EXOSC7: variants seen among roughly 807,000 people sequenced by gnomAD.
EXOSC7 encodes the protein exosome component 7, also known as exosome complex component RRP42.
In EXOSC7, 25 loss-of-function variants were observed where a neutral mutation model predicts 34.3. That is an observed-to-expected ratio of 0.73 (90% CI 0.53 to 1.02). EXOSC7 has a LOEUF of 1.02. Among genes scored for constraint, EXOSC7 ranks in the 50% least tolerant of loss-of-function variants. The pLI, the probability that EXOSC7 is intolerant of heterozygous loss-of-function variation, is 0.00. For missense variants in EXOSC7, 370 were observed against 368.5 expected (o/e 1.00, Z -0.03); for synonymous variants, 130 against 143.0 (o/e 0.91, Z 0.65).
intron 4 of EXOSC7, among the ~76,000 whole-genome samples, chr3:44,999,649 A>G (rs534146788): frequency 6.6e-6 from 1 of 152,308 alleles, no homozygotes; most frequent in South Asian, 2.1e-4. Flanking sequence ...AGATGGTGCC[A>G]CTGCACTCCA....
chr3:44,979,855 G>A (rs1006285200), intron 1 of EXOSC7, among the ~76,000 whole-genome samples: 1 of 152,192 alleles, frequency 6.6e-6, no homozygotes, highest in African/African-American at 2.4e-5. Context: ...TTTGTGAGAA[G>A]GGAGGGTGGA....
chr3:44,992,101 T>C (rs948615620), intron 3 of EXOSC7, among the ~76,000 whole-genome samples: 2 of 152,144 alleles, frequency 1.3e-5, no homozygotes, highest in Non-Finnish European at 2.9e-5. Flanking sequence ...TCTGAATCAG[T>C]GAATAGGAAT....
At chr3:44,998,405 T>G (rs1458602485) in intron 4 of EXOSC7, among the ~76,000 whole-genome samples, 2 of 152,198 alleles carry the variant, frequency 1.3e-5, no homozygotes, top group Non-Finnish European at 2.9e-5. Context: ...ACGTAGCAGT[T>G]GGTTGCTTGT....
chr3:44,989,375 A>G, intron 2 of EXOSC7, 134 bp downstream of exon 2: 1 of 825,538 alleles, frequency 1.2e-6, no homozygotes. Context: ...AAACTCAGGG[A>G]GGGGGGGTCT....
chr3:44,987,000 A>G (rs1021253551), intron 1 of EXOSC7, among the ~76,000 whole-genome samples: 2 of 152,090 alleles, frequency 1.3e-5, no homozygotes, highest in South Asian at 2.1e-4. Flanking sequence ...CTTTTTCTGA[A>G]AAAAACTGCT....
chr3:45,006,251 T>C (rs1707036536), intron 6 of EXOSC7, among the ~76,000 whole-genome samples: 1 of 151,098 alleles, frequency 6.6e-6, no homozygotes, highest in Non-Finnish European at 1.5e-5. Context: ...CTAATTTTTG[T>C]ATTTTTAGTA....
chr3:45,009,542 C>A (rs1707148443), intron 7 of EXOSC7, among the ~76,000 whole-genome samples: 1 of 151,472 alleles, frequency 6.6e-6, no homozygotes, highest in Non-Finnish European at 1.5e-5. Flanking sequence ...ATGGGAAAAT[C>A]TTTCCAAAGG....
chr3:44,999,274 G>A (rs1706810677), intron 4 of EXOSC7, among the ~76,000 whole-genome samples: 1 of 152,196 alleles, frequency 6.6e-6, no homozygotes, highest in East Asian at 1.9e-4. Flanking sequence ...AGGGGAATGT[G>A]TATTGTGTCC....
intron 1 of EXOSC7, among the ~76,000 whole-genome samples, chr3:44,977,882 A>T (rs1706149174): frequency 6.6e-6 from 1 of 152,134 alleles, no homozygotes; most frequent in Non-Finnish European, 1.5e-5. Context: ...TATATCTGTA[A>T]CCTCAAGGTT....
chr3:44,976,317 A>G lies in EXOSC7; in HGVS notation c.40A>G (p.Ile14Val), dbSNP rs778897360. Residue 14 changes from isoleucine to valine, a missense_variant, in exon 1 of 8, where the codon ATC (isoleucine) becomes GTC (valine). Transcript: ENST00000265564. ...GCTGAGCGAGGCGGAGAAGGTGTAC[A>G]TCGTGCATGGCGTCCAGGTAGCTAC... ...VTLSEAEKVY[I>V]VHGVQEDLRV... 16 of 1,570,422 alleles carry G rather than the reference A, an allele frequency of 1.0e-5. No individual in the cohort carries two copies. In the Middle Eastern group the frequency reaches 5.0e-4, roughly 49 times the overall value.
chr3:45,006,465 G>A (rs534447751), intron 6 of EXOSC7, among the ~76,000 whole-genome samples: 189 of 138,548 alleles, frequency 1.4e-3, no homozygotes, highest in Non-Finnish European at 2.2e-3. Flanking sequence ...GCCGGACTGC[G>A]GACTGCAGTG....
intron 6 of EXOSC7, among the ~76,000 whole-genome samples, chr3:45,006,889 AT>A (rs924966439): frequency 3.5e-5 from 5 of 144,782 alleles, no homozygotes; most frequent in African/African-American, 1.3e-4. Flanking sequence ...ATATCTGGCT[AT>A]TTTTTTGTAT....
In EXOSC7 at chr3:44,989,620, G is replaced by C; in HGVS notation, c.230G>C (p.Gly77Ala). 6.2e-7 allele frequency: 1 copy of C among 1,613,662 alleles called. No individual in the cohort carries two copies. Among genetic ancestry groups the C allele is most frequent in the South Asian group, 1.1e-5 (1 of 91,042 alleles). Reference sequence around the variant, plus strand: ...CCGAAGCTGGAGAAACCAAATGAAGGCTACTTGGAGTTCTTTGTTGACTGG... The same window carrying C: ...CCGAAGCTGGAGAAACCAAATGAAGCCTACTTGGAGTTCTTTGTTGACTGG... ...GTPKLEKPNE[G>A]YLEFFVDCSA... The change falls in exon 3 of 8, where the codon GGC becomes GCC. Residue 77 changes from glycine (G) to alanine (A), a missense_variant. Gly to Ala is a moderately conservative substitution (Grantham distance 60). This residue lies in a region of EXOSC7 where 20 missense variants were observed against 42.2 expected (regional missense o/e 0.47). Coordinates refer to ENST00000265564, the MANE Select transcript of EXOSC7 (RefSeq NM_015004.4).
At chr3:44,982,915 G>A (rs568119266) in intron 1 of EXOSC7, among the ~76,000 whole-genome samples, 6 of 152,320 alleles carry the variant, frequency 3.9e-5, no homozygotes, top group Non-Finnish European at 7.3e-5. Context: ...TGATGGGCCC[G>A]AGCCTGCAAA....
chr3:45,001,790 A>G (rs1351026983), intron 5 of EXOSC7, 182 bp downstream of exon 5: 5 of 562,076 alleles, frequency 8.9e-6, no homozygotes, highest in Admixed American at 6.5e-5. Flanking sequence ...TTAAAACTAC[A>G]TATATACGTA....
chr3:45,012,095 G>A (rs1697300820), downstream of EXOSC7: 1 of 152,190 alleles, frequency 6.6e-6, no homozygotes, highest in African/African-American at 2.4e-5. Flanking sequence ...GGCCCAGAAG[G>A]CTCTTCCTAT....
At chr3:44,991,019 A>G (rs989082017) in intron 3 of EXOSC7, among the ~76,000 whole-genome samples, 18 of 152,144 alleles carry the variant, frequency 1.2e-4, no homozygotes, top group Non-Finnish European at 1.5e-4. Flanking sequence ...TAGTACTCGT[A>G]TAAGAGAAAT....
At chr3:44,998,836 G>A (rs1706798038) in intron 4 of EXOSC7, among the ~76,000 whole-genome samples, 1 of 152,252 alleles carries the variant, frequency 6.6e-6, no homozygotes, top group Admixed American at 6.5e-5. Context: ...TCAGGTCCTG[G>A]GTTTGAGAAG....
At chr3:44,986,028 C>G (rs554473247) in intron 1 of EXOSC7, among the ~76,000 whole-genome samples, 1 of 152,318 alleles carries the variant, frequency 6.6e-6, no homozygotes, top group Admixed American at 6.5e-5. Context: ...AAGTCCCCAT[C>G]AGACTCAGGA....
Sources: allele counts gnomAD v4.1 joint callset (sites outside exome capture counted in the v4.1 genomes callset), GRCh38; gene constraint gnomAD v4.1.1; regional missense constraint gnomAD v4.1.1; transcripts MANE v1.5; gene names NCBI Gene and HGNC (gene_info 2026-07-23, HGNC 2026-07-21).